Variants in CPVL observed in about 807,000 individuals in gnomAD.
The protein encoded by CPVL is carboxypeptidase vitellogenic like.
CPVL carries 51 observed loss-of-function variants against 63.7 expected under a neutral mutation model. The observed-to-expected ratio is 0.80, with a 90% CI of 0.64 to 1.01. The LOEUF is 1.01. CPVL is among the 50% of genes least tolerant of loss of function. The pLI, the probability that CPVL is intolerant of heterozygous loss-of-function variation, is 0.00. For missense variants in CPVL, 530 were observed against 573.1 expected (o/e 0.92, Z 0.77); for synonymous variants, 195 against 206.0 (o/e 0.95, Z 0.46).
At chr7:29,065,902 G>A (rs1783088619) in intron 10 of CPVL, 121 bp downstream of exon 10, 41 of 574,410 alleles carry the variant, frequency 7.1e-5, no homozygotes, top group South Asian at 6.1e-4. Context: ...CACATCACGC[G>A]GTACAGTTTG....
chr7:29,116,542 G>A (rs1361793411), intron 2 of CPVL, among the ~76,000 whole-genome samples: 1 of 152,164 alleles, frequency 6.6e-6, no homozygotes, highest in African/African-American at 2.4e-5. Flanking sequence ...CAATGTTTGT[G>A]ATATTAACAC....
chr7:29,110,500 T>C (rs1788134702), intron 3 of CPVL, among the ~76,000 whole-genome samples: 1 of 152,224 alleles, frequency 6.6e-6, no homozygotes, highest in Admixed American at 6.5e-5. Context: ...AATGGTTCAC[T>C]TGGTAATTCT....
At chr7:29,107,625 G>T (rs905476114) in intron 3 of CPVL, among the ~76,000 whole-genome samples, 1 of 152,168 alleles carries the variant, frequency 6.6e-6, no homozygotes, top group African/African-American at 2.4e-5. Context: ...GGACCACTGT[G>T]GAGCACATTA....
chr7:29,035,534 A>G (rs535804265), intron 11 of CPVL, among the ~76,000 whole-genome samples: 10 of 152,228 alleles, frequency 6.6e-5, no homozygotes, highest in African/African-American at 2.2e-4. Flanking sequence ...CTTTGGCTCT[A>G]TGGACAGGAT....
At chr7:29,073,763 T>C (rs1783975243) in intron 7 of CPVL, among the ~76,000 whole-genome samples, 1 of 152,248 alleles carries the variant, frequency 6.6e-6, no homozygotes, top group Admixed American at 6.5e-5. Context: ...TACTAGAATA[T>C]AAGATCCGTG....
intron 3 of CPVL, among the ~76,000 whole-genome samples, chr7:29,107,947 G>C (rs1314528165): frequency 6.6e-6 from 1 of 152,210 alleles, no homozygotes; most frequent in Non-Finnish European, 1.5e-5. Flanking sequence ...TCTACTGCCA[G>C]AGAGAACGCC....
intron 12 of CPVL, among the ~76,000 whole-genome samples, chr7:29,002,596 T>G (rs1295540786): frequency 6.6e-6 from 1 of 152,122 alleles, no homozygotes; most frequent in African/African-American, 2.4e-5. Flanking sequence ...ATATTAGAGT[T>G]ACCAGGTACA....
intron 5 of CPVL, among the ~76,000 whole-genome samples, chr7:29,176,663 T>C (rs1046562380): frequency 2.6e-4 from 40 of 152,158 alleles, no homozygotes; most frequent in South Asian, 2.1e-4. Context: ...AGATCTAATA[T>C]ACAAGAAAGA....
intron 5 of CPVL, among the ~76,000 whole-genome samples, chr7:29,162,867 G>T (rs1184147277): frequency 1.3e-5 from 2 of 152,088 alleles, no homozygotes; most frequent in Non-Finnish European, 2.9e-5. Context: ...TTTGTGTGAT[G>T]GAACAGTCCT....
chr7:29,096,271 G>T (rs62444060), intron 3 of CPVL, 54 bp from the exon 4 acceptor site: 1 of 1,409,808 alleles, frequency 7.1e-7, no homozygotes, highest in Non-Finnish European at 1.0e-6. Flanking sequence ...TAAGGCTACA[G>T]AACACACACA....
At chr7:29,167,560 G>C (rs1233076544) in intron 5 of CPVL, among the ~76,000 whole-genome samples, 1 of 152,130 alleles carries the variant, frequency 6.6e-6, no homozygotes, top group Non-Finnish European at 1.5e-5. Flanking sequence ...AAGACTATAT[G>C]AATTTTCAAC....
chr7:29,129,342 G>T, intron 1 of CPVL, among the ~76,000 whole-genome samples: 1 of 152,266 alleles, frequency 6.6e-6, no homozygotes, highest in Middle Eastern at 3.4e-3. Context: ...GTAACTGCAT[G>T]AATTGTTATG....
chr7:29,101,798 A>T (rs1385986221), intron 3 of CPVL, among the ~76,000 whole-genome samples: 1 of 152,160 alleles, frequency 6.6e-6, no homozygotes, highest in Non-Finnish European at 1.5e-5. Flanking sequence ...TCCTCTACAC[A>T]TACACATATA....
At chr7:29,014,235 G>A (rs558073573) in intron 12 of CPVL, among the ~76,000 whole-genome samples, 1 of 152,218 alleles carries the variant, frequency 6.6e-6, no homozygotes, top group Non-Finnish European at 1.5e-5. Flanking sequence ...AAGAACCCGT[G>A]AAAGAGGACA....
intron 1 of CPVL, among the ~76,000 whole-genome samples, chr7:29,128,853 A>G (rs959563183): frequency 6.6e-6 from 1 of 152,194 alleles, no homozygotes; most frequent in Non-Finnish European, 1.5e-5. Context: ...GCCAGCCTTG[A>G]GGAAACAGTA....
intron 6 of CPVL, among the ~76,000 whole-genome samples, chr7:29,088,702 C>T (rs1038518681): frequency 6.6e-6 from 1 of 152,078 alleles, no homozygotes; most frequent in African/African-American, 2.4e-5. Flanking sequence ...ATATATAATA[C>T]ATAAGTGGCC....
chr7:29,180,625 A>C (rs1797953921), intron 5 of CPVL, among the ~76,000 whole-genome samples: 1 of 152,238 alleles, frequency 6.6e-6, no homozygotes, highest in Non-Finnish European at 1.5e-5. Context: ...TGAGCCAATA[A>C]AAATACCTTT....
intron 12 of CPVL, among the ~76,000 whole-genome samples, chr7:29,029,431 A>G (rs988201612): frequency 6.6e-6 from 1 of 152,250 alleles, no homozygotes; most frequent in African/African-American, 2.4e-5. Context: ...AATGGATTTT[A>G]AAAATGTGGC....
At chr7:29,006,395 CT>C (rs1785200756) in intron 12 of CPVL, among the ~76,000 whole-genome samples, 1 of 152,176 alleles carries the variant, frequency 6.6e-6, no homozygotes, top group Non-Finnish European at 1.5e-5. Flanking sequence ...TCTAAAACTT[CT>C]TTGAAACCTT....
Sources: allele counts gnomAD v4.1 joint callset (sites outside exome capture counted in the v4.1 genomes callset), GRCh38; gene constraint gnomAD v4.1.1; transcripts MANE v1.5; gene names NCBI Gene and HGNC (gene_info 2026-07-23, HGNC 2026-07-21).